ANO1: variants seen among roughly 807,000 people sequenced by gnomAD.
ANO1 encodes anoctamin-1.
ANO1 carries 59 observed loss-of-function variants against 124.0 expected under a neutral mutation model. The ratio of observed to expected loss-of-function variants is 0.48; its 90% CI spans 0.39 to 0.59. The LOEUF (loss-of-function observed/expected upper bound fraction) is 0.59. ANO1 is among the 20% of genes least tolerant of loss of function. The pLI is 0.00. For synonymous variants in ANO1, 529 were observed against 532.0 expected (o/e 0.99, Z 0.08); for missense variants, 1,059 against 1,328.0 (o/e 0.80, Z 3.15).
At chr11:70,186,935 C>T (rs1565291870) in intron 25 of ANO1, among the ~76,000 whole-genome samples, 2 of 152,324 alleles carry the variant, frequency 1.3e-5, no homozygotes, top group South Asian at 2.1e-4. Context: ...GGAGGGGTCT[C>T]GGCCAGAGAC....
intron 1 of ANO1, among the ~76,000 whole-genome samples, chr11:70,045,537 A>C (rs1408257934): frequency 2.0e-5 from 3 of 152,228 alleles, no homozygotes; most frequent in African/African-American, 4.8e-5. Context: ...CAACAAAATC[A>C]GAAAATATTC....
intron 16 of ANO1, 101 bp from the exon 17 acceptor site, chr11:70,161,060 C>T (rs1024392833): frequency 1.6e-5 from 18 of 1,102,950 alleles, no homozygotes; most frequent in Non-Finnish European, 2.2e-5. Context: ...AGCAGAAGAG[C>T]GGGAAGGTTG....
intron 1 of ANO1, among the ~76,000 whole-genome samples, chr11:70,009,571 G>A (rs371360624): frequency 3.2e-4 from 48 of 152,214 alleles, no homozygotes; most frequent in East Asian, 1.4e-3. Flanking sequence ...TGCATTTTGC[G>A]TTGCTATAAA....
chr11:69,997,181 G>A (rs987640165), intron 1 of ANO1, among the ~76,000 whole-genome samples: 1 of 152,284 alleles, frequency 6.6e-6, no homozygotes, highest in South Asian at 2.1e-4. Flanking sequence ...GCATCCACAG[G>A]AAGAATAAGG....
chr11:70,066,297 G>A (rs1328833452), intron 1 of ANO1, among the ~76,000 whole-genome samples: 1 of 152,164 alleles, frequency 6.6e-6, no homozygotes, highest in Non-Finnish European at 1.5e-5. Context: ...AGGGTCCCAG[G>A]CCCTGAGCTT....
chr11:70,052,160 C>T (rs1484276865), intron 1 of ANO1, among the ~76,000 whole-genome samples: 5 of 152,212 alleles, frequency 3.3e-5, no homozygotes, highest in African/African-American at 1.2e-4. Context: ...TTACTGATTA[C>T]ACACTATTTA....
chr11:69,968,061 G>A, the ANO1 span, among the ~76,000 whole-genome samples: 1 of 152,164 alleles, frequency 6.6e-6, no homozygotes, highest in Admixed American at 6.5e-5. Context: ...AGACTTTGGG[G>A]TCCACTATAT....
intron 1 of ANO1, chr11:70,015,539 G>A (rs1381250043): frequency 3.3e-5 from 5 of 152,480 alleles, no homozygotes; most frequent in Admixed American, 2.6e-4. Flanking sequence ...TGAGGGTGGT[G>A]GGACTGCACT....
chr11:70,083,050 C>T (rs2044250244), intron 1 of ANO1, among the ~76,000 whole-genome samples: 3 of 152,348 alleles, frequency 2.0e-5, no homozygotes, highest in Admixed American at 2.0e-4. Flanking sequence ...CCCAGCATCA[C>T]ATCCAGCTCC....
chr11:69,994,105 C>CT (rs1491403984), intron 1 of ANO1, among the ~76,000 whole-genome samples: 3 of 34,100 alleles, frequency 8.8e-5, no homozygotes, highest in African/African-American at 1.8e-4. Context: ...TGTCGTTAAC[C>CT]CCCCCCCACA....
In ANO1 at chr11:70,149,811, G is replaced by A. The variant is rs754851755; in HGVS notation, c.1341+19G>A. On this transcript the variant is annotated intron_variant, in intron 12 of 25. Coordinates refer to ENST00000355303, the MANE Select transcript of ANO1 (RefSeq NM_018043.7). ...GGAAGAGGTCAGTGGGTTTGCCGCC[G>A]TGCATATCACGCCCTTCCCCCACGT... 3.4e-5 allele frequency: 54 copies of A among 1,611,690 alleles called. No individual in the cohort carries two copies. The East Asian group carries it at 7.4e-4, about 22-fold the overall frequency.
intron 1 of ANO1, among the ~76,000 whole-genome samples, chr11:70,031,823 G>A (rs1212386568): frequency 1.3e-5 from 2 of 152,196 alleles, no homozygotes; most frequent in Admixed American, 6.5e-5. Flanking sequence ...GGATGCTTCC[G>A]ACGTACATCC....
intron 2 of ANO1, among the ~76,000 whole-genome samples, chr11:70,095,248 A>AAAGGAAGGAAGGAAGG (rs71046578): frequency 2.7e-4 from 10 of 36,988 alleles, no homozygotes; most frequent in African/African-American, 5.5e-4. Flanking sequence ...AAAGAAAAAG[A>AAAGGAAGGAAGGAAGG]AAGGAAGGAA....
At chr11:70,001,958 C>A (rs1565157738) in intron 1 of ANO1, among the ~76,000 whole-genome samples, 1 of 151,972 alleles carries the variant, frequency 6.6e-6, no homozygotes, top group Non-Finnish European at 1.5e-5. Context: ...CACCACCACA[C>A]CATTTTGGAA....
chr11:70,136,007 C>A (rs1452595483), intron 11 of ANO1, among the ~76,000 whole-genome samples: 2 of 152,214 alleles, frequency 1.3e-5, no homozygotes, highest in Non-Finnish European at 2.9e-5. Flanking sequence ...CAGAACGAGC[C>A]CCTCCCCCCA....
intron 1 of ANO1, among the ~76,000 whole-genome samples, chr11:69,995,015 G>A (rs1245953608): frequency 6.6e-6 from 1 of 151,864 alleles, no homozygotes; most frequent in African/African-American, 2.4e-5. Flanking sequence ...CCCACATACT[G>A]CACACCGTTT....
At chr11:70,089,127 T>C (rs2044518642) in intron 2 of ANO1, among the ~76,000 whole-genome samples, 1 of 152,108 alleles carries the variant, frequency 6.6e-6, no homozygotes, top group Non-Finnish European at 1.5e-5. Flanking sequence ...CTTCCTTCCA[T>C]GAATATTGGG....
intron 14 of ANO1, among the ~76,000 whole-genome samples, chr11:70,155,206 G>A (rs1467821132): frequency 6.6e-6 from 1 of 152,216 alleles, no homozygotes; most frequent in Non-Finnish European, 1.5e-5. Flanking sequence ...TAAGGCAAGG[G>A]ACCTAACCAA....
At chr11:70,174,980 C>T (rs1259031782) in intron 22 of ANO1, among the ~76,000 whole-genome samples, 1 of 151,266 alleles carries the variant, frequency 6.6e-6, no homozygotes, top group Admixed American at 6.6e-5. Context: ...TCACAAAGGC[C>T]TGATGCTCAG....
Sources: allele counts gnomAD v4.1 joint callset (sites outside exome capture counted in the v4.1 genomes callset), GRCh38; gene constraint gnomAD v4.1.1; transcripts MANE v1.5; gene names NCBI Gene and HGNC (gene_info 2026-07-23, HGNC 2026-07-21).